The following RYR3 variants were observed in gnomAD, a reference collection of about 807,000 sequenced individuals.
RYR3 encodes ryanodine receptor 3, also known as brain ryanodine receptor-calcium release channel.
In RYR3, 207 loss-of-function variants were observed where a neutral mutation model predicts 584.3. The ratio of observed to expected loss-of-function variants is 0.35; its 90% CI spans 0.32 to 0.40. The LOEUF is 0.40. RYR3 is among the 10% of genes least tolerant of loss of function. The pLI is 1.00. For synonymous variants in RYR3, 2,416 were observed against 2,248.5 expected (o/e 1.07, Z -2.11); for missense variants, 5,616 against 6,089.2 (o/e 0.92, Z 2.59).
At chr15:33,368,039 T>C (rs536702564) in intron 1 of RYR3, among the ~76,000 whole-genome samples, 73 of 152,320 alleles carry the variant, frequency 4.8e-4, no homozygotes, top group African/African-American at 1.7e-3. Context: ...AAGCTGGAAG[T>C]GAACTCTAGT....
At chr15:33,480,219 C>T (rs2049834555) in intron 2 of RYR3, among the ~76,000 whole-genome samples, 1 of 152,202 alleles carries the variant, frequency 6.6e-6, no homozygotes, top group African/African-American at 2.4e-5. Context: ...ACCCTGGAGT[C>T]AGACTGCCTG....
intron 1 of RYR3, among the ~76,000 whole-genome samples, chr15:33,378,303 A>G (rs989831284): frequency 1.1e-4 from 16 of 152,334 alleles, no homozygotes; most frequent in Admixed American, 8.5e-4. Flanking sequence ...CAGAACATCC[A>G]AACTGAAACA....
At position 33,778,170 on chromosome 15, in the gene RYR3, A is replaced by AAATAAATAAAT. The variant is rs2074137644; in HGVS notation, c.9138-2039_9138-2038insTAAATAAATAA. ...GGGCGACAGAGCAAGACTCTGTCTC[A>AAATAAATAAAT]AAATAAATAAATAAATAAATAAATA... is the stretch of plus-strand genomic sequence containing the variant. On this transcript the variant is annotated intron_variant, in intron 64 of 103. Transcript: ENST00000634891. Among the ~76,000 whole-genome samples, 6 of 148,412 alleles carry AAATAAATAAAT rather than the reference A, an allele frequency of 4.0e-5. No individual in the cohort carries two copies. The South Asian group carries it at 1.3e-3, about 33-fold the overall frequency.
At chr15:33,512,349 C>T (rs960647178) in intron 3 of RYR3, among the ~76,000 whole-genome samples, 2 of 152,182 alleles carry the variant, frequency 1.3e-5, no homozygotes, top group South Asian at 4.1e-4. Flanking sequence ...TAAACGTGAA[C>T]TTCAACAATT....
At chr15:33,649,008 G>A in intron 30 of RYR3, 64 bp from the exon 31 acceptor site, 1 of 1,501,252 alleles carries the variant, frequency 6.7e-7, no homozygotes, top group Non-Finnish European at 9.0e-7. Context: ...TGCCTCTTGG[G>A]CCCCCTATCT....
chr15:33,346,313 T>G (rs1972456119), intron 1 of RYR3, among the ~76,000 whole-genome samples: 1 of 152,216 alleles, frequency 6.6e-6, no homozygotes, highest in African/African-American at 2.4e-5. Flanking sequence ...AAGAGAACAC[T>G]GTGACATTTT....
intron 67 of RYR3, among the ~76,000 whole-genome samples, chr15:33,788,887 G>A (rs1428672862): frequency 6.6e-6 from 1 of 152,214 alleles, no homozygotes; most frequent in Non-Finnish European, 1.5e-5. Context: ...CTGGGGCTAG[G>A]AGAGGTGCAT....
intron 67 of RYR3, among the ~76,000 whole-genome samples, chr15:33,793,540 A>AT (rs1291833084): frequency 1.3e-5 from 2 of 152,126 alleles, no homozygotes; most frequent in African/African-American, 4.8e-5. Flanking sequence ...GTTATATATA[A>AT]TAAAAAAAAC....
chr15:33,713,335 G>T (rs545765041), intron 43 of RYR3, among the ~76,000 whole-genome samples: 66 of 152,026 alleles, frequency 4.3e-4, no homozygotes, highest in South Asian at 2.9e-3. Context: ...TATGATAGTT[G>T]GTCAGTGGTT....
At position 33,632,939 on chromosome 15, in the gene RYR3, T is replaced by A; in HGVS notation, c.2868-10T>A. ...CTGTTAAAAATGTATACTTTTACAT[T>A]TACTTGTAGCTATATGATGTCCAAC... On this transcript the variant is annotated splice_polypyrimidine_tract_variant and intron_variant, in intron 23 of 103. Transcript: ENST00000634891. 3 of 1,602,986 alleles carry A rather than the reference T, an allele frequency of 1.9e-6. No individual in the cohort carries two copies. The highest frequency in any genetic ancestry group is 2.6e-6 in the Non-Finnish European group (3 of 1,174,518).
intron 68 of RYR3, among the ~76,000 whole-genome samples, chr15:33,801,324 G>A (rs754851348): frequency 3.3e-5 from 5 of 152,010 alleles, no homozygotes; most frequent in Admixed American, 6.5e-5. Flanking sequence ...TCTCATATGT[G>A]GCCACCCATA....
rs371439830 is a variant in RYR3, at chr15:33,584,440, A to G, written c.1619A>G (p.Asn540Ser). ...GNRNNCAQFSNNLDWLISKLD... is the reference protein window; with the variant it reads ...GNRNNCAQFSSNLDWLISKLD... ...AGAAACAATTGCGCTCAATTCTCCA[A>G]TAACCTTGATTGGCTCATCAGTAAA... The change falls in exon 15 of 104, where the codon AAT (asparagine) becomes AGT (serine). Residue 540 changes from asparagine (N) to serine (S), a missense_variant. By Grantham distance (46) the Asn-to-Ser change is conservative. Transcript: ENST00000634891. The G allele has an allele frequency of 3.1e-6, 5 of 1,608,792 alleles. No individual in the cohort carries two copies. The highest frequency in any genetic ancestry group is 1.3e-5 in the African/African-American group (1 of 74,930).
At chr15:33,753,981 T>G (rs143256230) in intron 57 of RYR3, among the ~76,000 whole-genome samples, 113 of 152,198 alleles carry the variant, frequency 7.4e-4, no homozygotes, top group Middle Eastern at 3.4e-3. Context: ...CCATCTCTAC[T>G]AAAAATACAA....
At position 33,464,501 on chromosome 15, in the gene RYR3, T is replaced by TACACACAC. The variant is rs1388636079; in HGVS notation, c.52-8917_52-8916insCACACACA. Among the ~76,000 whole-genome samples, 18 of 100,148 alleles carry TACACACAC rather than the reference T, an allele frequency of 1.8e-4. 1 individual carries two copies. The highest frequency in any genetic ancestry group is 7.4e-4 in the African/African-American group (18 of 24,242). 65.7% of individuals were successfully genotyped at this position (100,148 alleles called of 152,430 possible). On this transcript the variant is annotated intron_variant, in intron 1 of 103. Transcript: ENST00000634891. ...ATATATATATATATACACATATATA[T>TACACACAC]ATACATACACATACACATATATGTA...
chr15:33,682,487 A>T (rs1456027356), intron 38 of RYR3, among the ~76,000 whole-genome samples: 1 of 152,084 alleles, frequency 6.6e-6, no homozygotes, highest in Non-Finnish European at 1.5e-5. Flanking sequence ...CATATATTTG[A>T]TATCATTGCC....
intron 38 of RYR3, among the ~76,000 whole-genome samples, chr15:33,682,804 A>G (rs149149421): frequency 6.6e-6 from 1 of 152,270 alleles, no homozygotes; most frequent in Non-Finnish European, 1.5e-5. Context: ...TAAAAATCCT[A>G]GAGATGCAAC....
intron 16 of RYR3, among the ~76,000 whole-genome samples, chr15:33,599,703 C>A (rs944022768): frequency 1.3e-5 from 2 of 152,130 alleles, no homozygotes; most frequent in Non-Finnish European, 2.9e-5. Context: ...TTTGGGGGCC[C>A]AAGGTATTTT....
At chr15:33,772,221 G>T in intron 63 of RYR3, 63 bp downstream of exon 63, 2 of 1,031,592 alleles carry the variant, frequency 1.9e-6, no homozygotes, top group Non-Finnish European at 3.0e-6. Flanking sequence ...GAGGTGCAGG[G>T]CCCATTCACT....
At chr15:33,426,498 T>G (rs2044667095) in intron 1 of RYR3, among the ~76,000 whole-genome samples, 1 of 152,220 alleles carries the variant, frequency 6.6e-6, no homozygotes, top group African/African-American at 2.4e-5. Context: ...AAGTAGTACT[T>G]TCTTATCCTT....
Sources: allele counts gnomAD v4.1 joint callset (sites outside exome capture counted in the v4.1 genomes callset), GRCh38; gene constraint gnomAD v4.1.1; transcripts MANE v1.5; gene names NCBI Gene and HGNC (gene_info 2026-07-23, HGNC 2026-07-21).